Variants in HMGXB4 observed in about 807,000 individuals in gnomAD.
HMGXB4 encodes HMG-box containing 4.
Under a neutral mutation model 63.9 loss-of-function variants are expected in HMGXB4, and 27 were observed. That is an observed-to-expected ratio of 0.42 (90% CI 0.31 to 0.58). HMGXB4 has a LOEUF of 0.58. Among genes scored for constraint, HMGXB4 ranks in the 20% least tolerant of loss-of-function variants. HMGXB4 has a pLI of 0.13. For synonymous variants in HMGXB4, 264 were observed against 265.3 expected, an observed-to-expected ratio of 0.99 and a Z score of 0.05; for missense variants, 624 against 700.7, an observed-to-expected ratio of 0.89 and a Z score of 1.24.
intron 5 of HMGXB4, among the ~76,000 whole-genome samples, chr22:35,283,725 A>C (rs1432488947): frequency 1.3e-5 from 2 of 152,138 alleles, no homozygotes; most frequent in Non-Finnish European, 2.9e-5. Flanking sequence ...AGGAGGCGGA[A>C]GTTATAGTGA....
Position 35,284,151 on chromosome 22 carries a change from C to T in HMGXB4, c.1297+108C>T, listed in dbSNP as rs916343893. On this transcript the variant is annotated intron_variant, in intron 6 of 10. Coordinates refer to ENST00000216106, the MANE Select transcript of HMGXB4 (RefSeq NM_001003681.3). ...TTAGAGCATAAATCTTGTTTCTTTC[C>T]TCAGTTCTGCAAATCACTTTAGATT... 30 of 777,750 alleles carry T rather than the reference C, an allele frequency of 3.9e-5. No individual in the cohort carries two copies. The African/African-American group carries it at 4.6e-4, about 12-fold the overall frequency. 48.2% of individuals were successfully genotyped at this position (777,750 alleles called of 1,614,324 possible).
chr22:35,246,828 G>A, the HMGXB4 span, among the ~76,000 whole-genome samples: 1 of 152,192 alleles, frequency 6.6e-6, no homozygotes, highest in Non-Finnish European at 1.5e-5. Flanking sequence ...GTGTTTAGTT[G>A]TACTTAGCAA....
the HMGXB4 span, among the ~76,000 whole-genome samples, chr22:35,246,791 G>A: frequency 6.6e-6 from 1 of 152,162 alleles, no homozygotes; most frequent in Non-Finnish European, 1.5e-5. Flanking sequence ...GTATCTTCTT[G>A]CATTTGTTTT....
intron 6 of HMGXB4, 122 bp from the exon 7 acceptor site, chr22:35,285,875 A>C: frequency 1.5e-6 from 1 of 679,352 alleles, no homozygotes; most frequent in East Asian, 2.8e-5. Context: ...GTTTTCTGAA[A>C]GCATCTTGCA....
At chr22:35,291,205 T>C (rs1392688388) in intron 9 of HMGXB4, among the ~76,000 whole-genome samples, 1 of 151,352 alleles carries the variant, frequency 6.6e-6, no homozygotes, top group East Asian at 1.9e-4. Flanking sequence ...GAGGTTGCAG[T>C]GAGCCGAGAT....
At chr22:35,277,786 A>G (rs1322874807) in intron 5 of HMGXB4, among the ~76,000 whole-genome samples, 1 of 152,168 alleles carries the variant, frequency 6.6e-6, no homozygotes, top group Non-Finnish European at 1.5e-5. Context: ...ACACATGCAC[A>G]GCCTTCCACA....
intron 4 of HMGXB4, 34 bp downstream of exon 4, chr22:35,263,908 C>T (rs967893834): frequency 1.2e-6 from 2 of 1,602,060 alleles, no homozygotes; most frequent in Non-Finnish European, 1.7e-6. Flanking sequence ...GTGGGATAAA[C>T]ACATCGCTGG....
intron 5 of HMGXB4, among the ~76,000 whole-genome samples, chr22:35,266,427 A>G (rs969793821): frequency 5.3e-5 from 8 of 152,208 alleles, no homozygotes; most frequent in African/African-American, 1.7e-4. Flanking sequence ...GCCAAGCTCA[A>G]TGCTGTAGAT....
chr22:35,283,927 A>T (rs375218039), intron 5 of HMGXB4, 35 bp from the exon 6 acceptor site: 5 of 1,506,380 alleles, frequency 3.3e-6, no homozygotes, highest in Non-Finnish European at 4.6e-6. Context: ...GTTCTAATCA[A>T]GTCTTACCCT....
chr22:35,246,769 C>T, the HMGXB4 span, among the ~76,000 whole-genome samples: 1 of 152,186 alleles, frequency 6.6e-6, no homozygotes, highest in Non-Finnish European at 1.5e-5. Context: ...GCCTTCTTCT[C>T]CCCACCTTGC....
intron 5 of HMGXB4, among the ~76,000 whole-genome samples, chr22:35,277,835 A>G (rs568087170): frequency 6.6e-6 from 1 of 152,296 alleles, no homozygotes; most frequent in East Asian, 1.9e-4. Context: ...ATTTGTTACA[A>G]CTGATGAACC....
intron 5 of HMGXB4, among the ~76,000 whole-genome samples, chr22:35,272,918 C>T (rs534914391): frequency 2.0e-5 from 3 of 152,282 alleles, no homozygotes; most frequent in African/African-American, 7.2e-5. Flanking sequence ...TGGGCAACAG[C>T]GAGACTGTGT....
the HMGXB4 span, chr22:35,249,666 T>A: frequency 3.0e-5 from 3 of 98,564 alleles, 1 homozygote; most frequent in Non-Finnish European, 8.5e-5. Context: ...TAGAATAATG[T>A]TAATATGTAT....
the HMGXB4 span, among the ~76,000 whole-genome samples, chr22:35,251,981 A>C: frequency 6.6e-6 from 1 of 152,174 alleles, no homozygotes; most frequent in African/African-American, 2.4e-5. Flanking sequence ...TCGGGAAGCC[A>C]AGGCGGGTGG....
At position 35,265,262 on chromosome 22, in the gene HMGXB4, G is replaced by A; in HGVS notation, c.874G>A (p.Val292Ile). The A allele has an allele frequency of 1.2e-6, 2 of 1,614,118 alleles. No individual in the cohort carries two copies. Among genetic ancestry groups the A allele is most frequent in the Non-Finnish European group, 1.7e-6 (2 of 1,180,024 alleles). Reference sequence around the variant, plus strand: ...TCTTTCAGGGCTTGAACCTATTCTGGTAGAATCAGACTCATCCTCTGGTGG... The same window carrying A: ...TCTTTCAGGGCTTGAACCTATTCTGATAGAATCAGACTCATCCTCTGGTGG... ...LDLSGLEPIL[V>I]ESDSSSGGEL... The change falls in exon 5 of 11, where the codon GTA becomes ATA. Residue 292 changes from valine (V) to isoleucine (I), a missense_variant. Val to Ile is a conservative substitution (Grantham distance 29). This residue lies in a region of HMGXB4 where 472 missense variants were observed against 470.6 expected (regional missense o/e 1.00). Transcript: ENST00000216106.
rs756286881 is a variant in HMGXB4, at chr22:35,292,955, G to T, written c.1639-37G>T. ...GAAGTCAGCCGGAACACAGCATCAGGAGTGTGACTCAAGCAACAACCTCCT... is the reference window on the plus strand; with the variant it reads ...GAAGTCAGCCGGAACACAGCATCAGTAGTGTGACTCAAGCAACAACCTCCT... On this transcript the variant is annotated intron_variant, in intron 9 of 10. Transcript: ENST00000216106. 9 of 1,614,010 alleles carry T rather than the reference G, an allele frequency of 5.6e-6. No individual in the cohort carries two copies. In the South Asian group the frequency reaches 9.9e-5, roughly 18 times the overall value.
intron 5 of HMGXB4, among the ~76,000 whole-genome samples, chr22:35,272,059 T>C (rs737755): frequency 0.51 from 77,800 of 152,066 alleles, 22,817 homozygotes; most frequent in Non-Finnish European, 0.65. Context: ...AGAAATTGGG[T>C]GTTCATGTGT....
Position 35,292,974 on chromosome 22 carries a change from A to G in HMGXB4, c.1639-18A>G, listed in dbSNP as rs777291132. ...CATCAGGAGTGTGACTCAAGCAACAACCTCCTCTCCTTTTCAGGGTATGGT... is the reference window on the plus strand; with the variant it reads ...CATCAGGAGTGTGACTCAAGCAACAGCCTCCTCTCCTTTTCAGGGTATGGT... On this transcript the variant is annotated intron_variant, in intron 9 of 10. Coordinates refer to ENST00000216106, the MANE Select transcript of HMGXB4 (RefSeq NM_001003681.3). 2 of 1,613,936 alleles carry G rather than the reference A, an allele frequency of 1.2e-6. No individual in the cohort carries two copies. The highest frequency in any genetic ancestry group is 1.7e-5 in the Admixed American group (1 of 59,998).
At chr22:35,243,913 A>T in the HMGXB4 span, among the ~76,000 whole-genome samples, 1 of 152,194 alleles carries the variant, frequency 6.6e-6, no homozygotes, top group Non-Finnish European at 1.5e-5. Context: ...ATTTCTGATG[A>T]GAAATTTTTT....
Sources: allele counts gnomAD v4.1 joint callset (sites outside exome capture counted in the v4.1 genomes callset), GRCh38; gene constraint gnomAD v4.1.1; regional missense constraint gnomAD v4.1.1; transcripts MANE v1.5; gene names NCBI Gene and HGNC (gene_info 2026-07-23, HGNC 2026-07-21).